Variants in KCNH1 observed in about 807,000 individuals in gnomAD.
The protein encoded by KCNH1 is voltage-gated delayed rectifier potassium channel KCNH1.
KCNH1 carries 27 observed loss-of-function variants against 69.2 expected under a neutral mutation model. That is an observed-to-expected ratio of 0.39 (90% CI 0.29 to 0.54). The LOEUF (loss-of-function observed/expected upper bound fraction) is 0.54, where lower values mean the gene tolerates loss of function less well. Among genes scored for constraint, KCNH1 ranks in the 20% least tolerant of loss-of-function variants. The probability of loss-of-function intolerance (pLI) is 0.68; values close to 1 mark genes in which losing one functional copy is unlikely to be tolerated. For synonymous variants in KCNH1, 456 were observed against 487.7 expected, an observed-to-expected ratio of 0.93 and a Z score of 0.86; for missense variants, 798 against 1,261.6, an observed-to-expected ratio of 0.63 and a Z score of 5.57.
intron 5 of KCNH1, among the ~76,000 whole-genome samples, chr1:211,049,065 C>T (rs1690145757): frequency 6.6e-6 from 1 of 152,078 alleles, no homozygotes; most frequent in South Asian, 2.1e-4. Flanking sequence ...GCCTCACAAA[C>T]TCCATCAGTT....
At chr1:211,112,719 A>G (rs1388485185) in intron 1 of KCNH1, among the ~76,000 whole-genome samples, 1 of 152,124 alleles carries the variant, frequency 6.6e-6, no homozygotes, top group Non-Finnish European at 1.5e-5. Context: ...TTGTCACTCC[A>G]TGATAGAAGG....
intron 5 of KCNH1, among the ~76,000 whole-genome samples, chr1:211,020,490 A>AG (rs1689569133): frequency 9.0e-6 from 1 of 111,058 alleles, no homozygotes. Flanking sequence ...TGAATCAGTA[A>AG]TAAAAAAAAA....
At chr1:210,715,009 G>A (rs775563179) in intron 10 of KCNH1, among the ~76,000 whole-genome samples, 3 of 152,170 alleles carry the variant, frequency 2.0e-5, no homozygotes, top group Admixed American at 6.5e-5. Flanking sequence ...ACCTGTGTTG[G>A]TCCTAGTGGG....
chr1:210,824,109 C>T (rs1001133265), intron 7 of KCNH1, among the ~76,000 whole-genome samples: 1 of 151,990 alleles, frequency 6.6e-6, no homozygotes, highest in Non-Finnish European at 1.5e-5. Flanking sequence ...ACCTCTTGCT[C>T]AGGTTTCTAA....
intron 1 of KCNH1, among the ~76,000 whole-genome samples, chr1:211,107,903 C>CCCTCCCCTTGGTG (rs1691387697): frequency 6.6e-6 from 1 of 152,200 alleles, no homozygotes; most frequent in Non-Finnish European, 1.5e-5. Context: ...TGGACACACA[C>CCCTCCCCTTGGTG]AGCACCATGG....
At chr1:210,969,791 G>GT (rs1462018455) in intron 6 of KCNH1, among the ~76,000 whole-genome samples, 2 of 151,380 alleles carry the variant, frequency 1.3e-5, no homozygotes, top group Non-Finnish European at 3.0e-5. Context: ...TAAATAATTT[G>GT]TTTTTTTAAA....
chr1:210,714,975 A>T (rs546535159), intron 10 of KCNH1, among the ~76,000 whole-genome samples: 1 of 152,288 alleles, frequency 6.6e-6, no homozygotes, highest in Non-Finnish European at 1.5e-5. Flanking sequence ...GTGATGTCTG[A>T]CCGGCACAGA....
At chr1:211,013,840 T>A (rs1336998387) in intron 6 of KCNH1, among the ~76,000 whole-genome samples, 1 of 64,316 alleles carries the variant, frequency 1.6e-5, no homozygotes, top group Admixed American at 1.3e-4. Context: ...GTCCTCCCAG[T>A]TCAGTGCAGC....
chr1:211,059,306 G>A (rs1690378278), intron 5 of KCNH1, among the ~76,000 whole-genome samples: 1 of 151,434 alleles, frequency 6.6e-6, no homozygotes, highest in South Asian at 2.1e-4. Flanking sequence ...GAGAGAGAGA[G>A]ACAGAAAGTC....
chr1:210,979,092 C>T (rs1277819533), intron 6 of KCNH1, among the ~76,000 whole-genome samples: 2 of 152,122 alleles, frequency 1.3e-5, no homozygotes, highest in Admixed American at 6.6e-5. Context: ...ATTGTCAATT[C>T]CACTGACAAT....
chr1:211,096,372 A>T (rs1192232859), intron 3 of KCNH1, among the ~76,000 whole-genome samples: 1 of 152,094 alleles, frequency 6.6e-6, no homozygotes. Flanking sequence ...CCCCAAAACT[A>T]TCACTTTCCT....
At chr1:210,944,876 T>G (rs1687932010) in intron 6 of KCNH1, among the ~76,000 whole-genome samples, 1 of 152,228 alleles carries the variant, frequency 6.6e-6, no homozygotes, top group South Asian at 2.1e-4. Flanking sequence ...TTTTCACGTT[T>G]CCAAACTGAA....
intron 7 of KCNH1, among the ~76,000 whole-genome samples, chr1:210,812,292 T>C (rs988079472): frequency 8.5e-5 from 13 of 152,182 alleles, no homozygotes; most frequent in African/African-American, 3.1e-4. Context: ...ATATAGACTT[T>C]AACACCCTCC....
intron 5 of KCNH1, among the ~76,000 whole-genome samples, chr1:211,035,409 C>T (rs1295276505): frequency 2.7e-5 from 4 of 150,492 alleles, no homozygotes; most frequent in South Asian, 2.1e-4. Flanking sequence ...CCACTACGCC[C>T]GGCTAATTTT....
intron 6 of KCNH1, among the ~76,000 whole-genome samples, chr1:210,931,381 T>C (rs969623242): frequency 1.3e-5 from 2 of 152,262 alleles, no homozygotes; most frequent in East Asian, 1.9e-4. Flanking sequence ...CTGGATGGAA[T>C]TGGAGACTAT....
chr1:210,784,155 A>AC lies in KCNH1; in HGVS notation c.1916-8612dup, dbSNP rs552873844. 1.7e-3 allele frequency among the ~76,000 whole-genome samples: 263 copies of AC among 152,320 alleles called. 2 individuals carry two copies. Among genetic ancestry groups the AC allele is most frequent in the African/African-American group, 6.0e-3 (250 of 41,574 alleles). ...GTGCCCAGCACCCATTCTGTGCCTC[A>AC]CCCCAATGGTGCTGAAGTCCAGCCT... On this transcript the variant is annotated intron_variant, in intron 9 of 10. Coordinates refer to ENST00000271751, the MANE Select transcript of KCNH1 (RefSeq NM_172362.3).
intron 7 of KCNH1, among the ~76,000 whole-genome samples, chr1:210,899,308 T>C (rs1015198002): frequency 1.3e-5 from 2 of 152,048 alleles, no homozygotes; most frequent in East Asian, 1.9e-4. Flanking sequence ...TTCATTAAGG[T>C]AGGGTCAAAA....
At chr1:211,034,271 T>C (rs1558576507) in intron 5 of KCNH1, among the ~76,000 whole-genome samples, 1 of 152,130 alleles carries the variant, frequency 6.6e-6, no homozygotes, top group South Asian at 2.1e-4. Context: ...ATAAAAACTA[T>C]TGATACATGC....
At position 211,133,045 on chromosome 1, in the gene KCNH1, C is replaced by G. The variant is rs976187510; in HGVS notation, c.79+822G>C. On this transcript the variant is annotated intron_variant, in intron 1 of 10. Transcript: ENST00000271751. This position sits in a 1 kb window ranked among gnomAD's most constrained non-coding sequence, Gnocchi z 5.4. ...CGTCGATCTTAATGCCACAAGGAAACAGATGAGTGCTGATTGTCAGTTTAT... is the reference window on the plus strand; with the variant it reads ...CGTCGATCTTAATGCCACAAGGAAAGAGATGAGTGCTGATTGTCAGTTTAT... 4 of 152,202 alleles carry G rather than the reference C, an allele frequency of 2.6e-5. No individual in the cohort carries two copies. The highest frequency in any genetic ancestry group is 9.7e-5 in the African/African-American group (4 of 41,444). 9.4% of individuals were successfully genotyped at this position (152,202 alleles called of 1,614,324 possible). A position where few individuals can be genotyped will look rare whatever the true frequency, so the allele number is the denominator to read the frequency against.
Sources: allele counts gnomAD v4.1 joint callset (sites outside exome capture counted in the v4.1 genomes callset), GRCh38; gene constraint gnomAD v4.1.1; non-coding constraint Gnocchi (gnomAD v3.1); transcripts MANE v1.5; gene names NCBI Gene and HGNC (gene_info 2026-07-23, HGNC 2026-07-21).